The following DOCK5 variants were observed in gnomAD, a reference collection of about 807,000 sequenced individuals.
DOCK5 encodes dedicator of cytokinesis protein 5.
In DOCK5, 142 loss-of-function variants were observed where a neutral mutation model predicts 251.8. The ratio of observed to expected loss-of-function variants is 0.56; its 90% CI spans 0.49 to 0.65. The LOEUF (loss-of-function observed/expected upper bound fraction) is 0.65, where lower values mean the gene tolerates loss of function less well. DOCK5 is among the 30% of genes least tolerant of loss of function. The pLI is 0.00. For synonymous variants in DOCK5, 842 were observed against 835.5 expected, an observed-to-expected ratio of 1.01 and a Z score of -0.13; for missense variants, 2,111 against 2,312.3, an observed-to-expected ratio of 0.91 and a Z score of 1.79.
chr8:25,345,565 C>A lies in DOCK5; in HGVS notation c.2708C>A (p.Ser903Ter). Residue 903 changes from serine to a stop codon, truncating the protein, a stop_gained, in exon 26 of 52, where the codon TCG becomes TAG. Coordinates refer to ENST00000276440, the MANE Select transcript of DOCK5 (RefSeq NM_024940.8). LOFTEE classifies it high-confidence loss of function. ...AACAAGCCTGACCACGAGGCAAGCTCGCAGCTTCTGAGCAACATCCTGGAG... is the reference window on the plus strand; with the variant it reads ...AACAAGCCTGACCACGAGGCAAGCTAGCAGCTTCTGAGCAACATCCTGGAG... Reference protein sequence around the residue: ...NSNKPDHEASSQLLSNILEVL... With the variant: ...NSNKPDHEAS 1 of 1,613,916 alleles carries A rather than the reference C, an allele frequency of 6.2e-7. No individual in the cohort carries two copies. Among genetic ancestry groups the A allele is most frequent in the Non-Finnish European group, 8.5e-7 (1 of 1,179,892 alleles).
chr8:25,344,006 A>G (rs539933448), intron 25 of DOCK5, among the ~76,000 whole-genome samples: 2 of 152,068 alleles, frequency 1.3e-5, no homozygotes, highest in Non-Finnish European at 2.9e-5. Context: ...CCAGGGTTTC[A>G]CCATGTTGGC....
intron 1 of DOCK5, among the ~76,000 whole-genome samples, chr8:25,196,094 A>T (rs1801717505): frequency 6.6e-6 from 1 of 152,388 alleles, no homozygotes; most frequent in East Asian, 1.9e-4. Flanking sequence ...CTGCATAAGC[A>T]AAAGATTACG....
intron 18 of DOCK5, among the ~76,000 whole-genome samples, chr8:25,327,972 A>G (rs1805602164): frequency 6.6e-6 from 1 of 152,162 alleles, no homozygotes; most frequent in African/African-American, 2.4e-5. Context: ...GTGTCAGAAC[A>G]TCATGTTGTA....
At position 25,414,924 on chromosome 8, in the gene DOCK5, A is replaced by ATTTTTT. The variant is rs1205298349; in HGVS notation, c.*3630_*3631insTTTTTT. The ATTTTTT allele has an allele frequency of 2.5e-4, 16 of 64,244 alleles. No individual in the cohort carries two copies. Among genetic ancestry groups the ATTTTTT allele is most frequent in the Admixed American group, 3.5e-4 (2 of 5,728 alleles). 4.0% of individuals were successfully genotyped at this position (64,244 alleles called of 1,614,324 possible). A position where few individuals can be genotyped will look rare whatever the true frequency, so the allele number is the denominator to read the frequency against. On this transcript the variant is annotated 3_prime_UTR_variant, in exon 52 of 52. Coordinates refer to ENST00000276440, the MANE Select transcript of DOCK5 (RefSeq NM_024940.8). ...CTGGGCCTGTCTTTTTTTTTTTTTA[A>ATTTTTT]TTTTGAAGCTACCTGAGGTTTAGAA...
At position 25,415,492 on chromosome 8, in the gene DOCK5, C is replaced by T. The variant is rs1801692067; in HGVS notation, c.*4194C>T. 6.6e-6 allele frequency: 1 copy of T among 152,158 alleles called. No homozygotes were observed. The highest frequency in any genetic ancestry group is 1.5e-5 in the Non-Finnish European group (1 of 68,034). The allele number at this position is 152,158 out of a possible 1,614,324, so 9.4% of individuals were successfully genotyped here. ...TTTCACTCTGACGCCTAGGATCTAG[C>T]CAAGGCTGGTCTGCAGTATCAGATG... On this transcript the variant is annotated 3_prime_UTR_variant, in exon 52 of 52. Transcript: ENST00000276440.
intron 1 of DOCK5, among the ~76,000 whole-genome samples, chr8:25,199,285 G>C (rs1236528681): frequency 7.2e-6 from 1 of 139,624 alleles, no homozygotes; most frequent in Non-Finnish European, 1.6e-5. Context: ...TTTCAGACCT[G>C]TATTTCAAAT....
At chr8:25,283,767 T>C (rs1362542173) in intron 5 of DOCK5, among the ~76,000 whole-genome samples, 1 of 152,178 alleles carries the variant, frequency 6.6e-6, no homozygotes, top group Non-Finnish European at 1.5e-5. Context: ...TCACCATACA[T>C]AGAGAACCTG....
rs1366899201 is a variant in DOCK5 at position 25,345,595 on chromosome 8, T to C, written c.2738T>C (p.Leu913Pro). The change falls in exon 26 of 52, where the codon CTG (leucine) becomes CCG (proline). Residue 913 changes from leucine (L) to proline (P), a missense_variant. Transcript: ENST00000276440. Reference sequence around the variant, plus strand: ...CTTCTGAGCAACATCCTGGAGGTGCTGGACAGGAAGGATGTGGTGAGTTGA... The same window carrying C: ...CTTCTGAGCAACATCCTGGAGGTGCCGGACAGGAAGGATGTGGTGAGTTGA... ...SQLLSNILEV[L>P]DRKDVGATAV... 1.9e-6 allele frequency: 3 copies of C among 1,613,724 alleles called. No individual in the cohort carries two copies. The South Asian group carries it at 3.3e-5, about 18-fold the overall frequency.
At chr8:25,392,214 G>T (rs1191576838) in intron 43 of DOCK5, among the ~76,000 whole-genome samples, 3 of 150,998 alleles carry the variant, frequency 2.0e-5, no homozygotes, top group African/African-American at 4.9e-5. Context: ...TGAGGCACGA[G>T]AATTGCTTAA....
intron 4 of DOCK5, among the ~76,000 whole-genome samples, chr8:25,276,295 T>A (rs1804041970): frequency 6.6e-6 from 1 of 152,196 alleles, no homozygotes; most frequent in South Asian, 2.1e-4. Context: ...GAGATTCGAA[T>A]GAGGTAATGT....
intron 1 of DOCK5, among the ~76,000 whole-genome samples, chr8:25,232,752 A>G (rs1251033726): frequency 6.6e-6 from 1 of 152,122 alleles, no homozygotes; most frequent in Non-Finnish European, 1.5e-5. Context: ...AGATTTCAAC[A>G]TAAACATTTA....
rs553566685 is a variant in DOCK5, at chr8:25,315,812, T to G, written c.1319-1195T>G. Reference sequence around the variant, plus strand: ...GCTGTGTGAATAAGCCCCTTTTTCTTCATCCTCAGCAAGTGATAAGCAGTA... The same window carrying G: ...GCTGTGTGAATAAGCCCCTTTTTCTGCATCCTCAGCAAGTGATAAGCAGTA... On this transcript the variant is annotated intron_variant, in intron 13 of 51. Coordinates refer to ENST00000276440, the MANE Select transcript of DOCK5 (RefSeq NM_024940.8). Among the ~76,000 whole-genome samples, 3 of 152,370 alleles carry G rather than the reference T, an allele frequency of 2.0e-5. No homozygotes were observed. In the East Asian group the frequency reaches 5.8e-4, roughly 29 times the overall value.
At chr8:25,223,164 A>G (rs952339404) in intron 1 of DOCK5, among the ~76,000 whole-genome samples, 1 of 152,212 alleles carries the variant, frequency 6.6e-6, no homozygotes, top group South Asian at 2.1e-4. Context: ...TTTAAAAAAA[A>G]TTTTTGAAAT....
At chr8:25,289,393 C>T (rs1222551776) in intron 5 of DOCK5, among the ~76,000 whole-genome samples, 1 of 151,664 alleles carries the variant, frequency 6.6e-6, no homozygotes, top group Non-Finnish European at 1.5e-5. Flanking sequence ...CTCAAGTGAT[C>T]CTCTTGCCTC....
intron 25 of DOCK5, among the ~76,000 whole-genome samples, chr8:25,344,646 G>A (rs1358629597): frequency 6.6e-6 from 1 of 152,224 alleles, no homozygotes; most frequent in Non-Finnish European, 1.5e-5. Context: ...CTTTGAAATT[G>A]CAAATGTTCC....
At position 25,395,852 on chromosome 8, in the gene DOCK5, G is replaced by A. The variant is rs531822729; in HGVS notation, c.4704+133G>A. Reference sequence around the variant, plus strand: ...AAATGTTCACTTTCCCTTCTGGCAAGTGAAGTGAATGAAACGATTGTCCCT... The same window carrying A: ...AAATGTTCACTTTCCCTTCTGGCAAATGAAGTGAATGAAACGATTGTCCCT... On this transcript the variant is annotated intron_variant, in intron 45 of 51. Coordinates refer to ENST00000276440, the MANE Select transcript of DOCK5 (RefSeq NM_024940.8). 193 of 1,111,816 alleles carry A rather than the reference G, an allele frequency of 1.7e-4. 2 individuals carry two copies. In the South Asian group the frequency reaches 2.5e-3, roughly 14 times the overall value. 68.9% of individuals were successfully genotyped at this position (1,111,816 alleles called of 1,614,324 possible).
intron 1 of DOCK5, among the ~76,000 whole-genome samples, chr8:25,238,004 A>G (rs191710608): frequency 3.9e-5 from 6 of 152,282 alleles, no homozygotes; most frequent in African/African-American, 7.2e-5. Flanking sequence ...AGCTTTCTCT[A>G]TAACAGTTAT....
chr8:25,313,985 G>T (rs1415050403), intron 13 of DOCK5, among the ~76,000 whole-genome samples: 1 of 152,020 alleles, frequency 6.6e-6, no homozygotes, highest in Admixed American at 6.6e-5. Context: ...CTCCCTAGGG[G>T]TATCATCCAC....
rs1248157981 is a variant in DOCK5 at position 25,336,386 on chromosome 8, G to A, written c.2327+13G>A. On this transcript the variant is annotated intron_variant, in intron 22 of 51. Transcript: ENST00000276440. Reference sequence around the variant, plus strand: ...TGCTCTACTTGAGGTAATGTTAACTGCAGTGAAGATGTTTAGATTATCAGC... The same window carrying A: ...TGCTCTACTTGAGGTAATGTTAACTACAGTGAAGATGTTTAGATTATCAGC... 2.5e-6 allele frequency: 4 copies of A among 1,610,916 alleles called. No homozygotes were observed. Among genetic ancestry groups the A allele is most frequent in the Non-Finnish European group, 2.5e-6 (3 of 1,177,324 alleles).
Sources: gnomAD v4.1 joint callset for allele counts (sites outside exome capture counted in the v4.1 genomes callset) on GRCh38, gnomAD v4.1.1 for gene constraint, MANE v1.5 for transcripts, NCBI Gene and HGNC (gene_info 2026-07-23, HGNC 2026-07-21) for gene names.